PLD5: variants seen among roughly 807,000 people sequenced by gnomAD.
The protein encoded by PLD5 is inactive phospholipase D5.
In PLD5, 36 loss-of-function variants were observed where a neutral mutation model predicts 61.1. The ratio of observed to expected loss-of-function variants is 0.59; its 90% CI spans 0.45 to 0.78. The LOEUF is 0.78. PLD5 is among the 30% of genes least tolerant of loss of function. PLD5 has a pLI of 0.00. For missense variants in PLD5, 515 were observed against 644.4 expected (o/e 0.80, Z 2.17); for synonymous variants, 243 against 242.8 (o/e 1.00, Z -0.01).
At chr1:242,435,134 TAC>T (rs1183966215) in intron 1 of PLD5, among the ~76,000 whole-genome samples, 1 of 152,126 alleles carries the variant, frequency 6.6e-6, no homozygotes, top group Admixed American at 6.5e-5. Flanking sequence ...GAACACACAG[TAC>T]AGTTAGTCAA....
In PLD5 at chr1:242,083,813, A is replaced by T. The variant is rs749432233; in HGVS notation, c.*6041T>A. 1 of 151,660 alleles carries T rather than the reference A, an allele frequency of 6.6e-6. No individual in the cohort carries two copies. Among genetic ancestry groups the T allele is most frequent in the Non-Finnish European group, 1.5e-5 (1 of 67,718 alleles). 9.4% of individuals were successfully genotyped at this position (151,660 alleles called of 1,614,324 possible). A position where few individuals can be genotyped will look rare whatever the true frequency, so the allele number is the denominator to read the frequency against. The stretch of plus-strand genomic sequence containing the variant: ...TCCTCTATTTATATTGGAAAGTAAC[A>T]TATAATTTCAACGTTTTTAATCCTG... On this transcript the variant is annotated 3_prime_UTR_variant, in exon 10 of 10. Transcript: ENST00000536534.
chr1:242,167,041 T>G (rs1353616915), intron 5 of PLD5, among the ~76,000 whole-genome samples: 1 of 147,508 alleles, frequency 6.8e-6, no homozygotes, highest in East Asian at 2.0e-4. Flanking sequence ...TCACTTGCTT[T>G]CTGGTAGCCT....
chr1:242,411,289 G>A (rs1245777899), intron 1 of PLD5, among the ~76,000 whole-genome samples: 2 of 152,214 alleles, frequency 1.3e-5, no homozygotes, highest in Non-Finnish European at 2.9e-5. Flanking sequence ...AGGCTGGAGT[G>A]CAGTGGCACG....
chr1:242,479,012 G>T (rs909303814), intron 1 of PLD5, among the ~76,000 whole-genome samples: 6 of 152,192 alleles, frequency 3.9e-5, no homozygotes, highest in African/African-American at 1.4e-4. Context: ...TAATGGAAAT[G>T]AAGTATACAA....
chr1:242,373,046 G>A (rs564696594), intron 1 of PLD5, among the ~76,000 whole-genome samples: 5 of 152,032 alleles, frequency 3.3e-5, no homozygotes, highest in Admixed American at 1.3e-4. Flanking sequence ...TCTACTCATC[G>A]GACAAAGGGC....
chr1:242,494,201 G>T (rs190871810), intron 1 of PLD5, among the ~76,000 whole-genome samples: 2 of 150,514 alleles, frequency 1.3e-5, no homozygotes, highest in South Asian at 4.2e-4. Context: ...ATTCTAACTC[G>T]GGCCAAATGG....
At chr1:242,400,143 G>A (rs1376098592) in intron 1 of PLD5, among the ~76,000 whole-genome samples, 1 of 151,638 alleles carries the variant, frequency 6.6e-6, no homozygotes, top group Admixed American at 6.6e-5. Context: ...ACTCCAGCCT[G>A]AGCGACAAGA....
At chr1:242,143,889 T>G (rs964535176) in intron 5 of PLD5, among the ~76,000 whole-genome samples, 10 of 151,894 alleles carry the variant, frequency 6.6e-5, no homozygotes, top group Non-Finnish European at 8.8e-5. Flanking sequence ...TTGCCCAGGC[T>G]GGAATGCAGT....
chr1:242,502,509 A>C (rs763782811), intron 1 of PLD5, among the ~76,000 whole-genome samples: 6 of 152,254 alleles, frequency 3.9e-5, no homozygotes, highest in Non-Finnish European at 8.8e-5. Context: ...ACATAATTAC[A>C]GTATAACAAA....
chr1:242,101,309 C>CAAA (rs11457377), intron 8 of PLD5, among the ~76,000 whole-genome samples: 10 of 147,646 alleles, frequency 6.8e-5, no homozygotes, highest in African/African-American at 2.5e-4. Context: ...ATAGACAACT[C>CAAA]AAAAAAAAAA....
Position 242,394,769 on chromosome 1 carries a change from AATATATATGTGTATATATGTGAAT to A in PLD5, c.190-46551_190-46528del, listed in dbSNP as rs1558527081. Among the ~76,000 whole-genome samples, 10 of 22,398 alleles carry A rather than the reference AATATATATGTGTATATATGTGAAT, an allele frequency of 4.5e-4. 3 individuals are homozygous for A. The East Asian group carries it at 6.6e-3, about 15-fold the overall frequency. 14.7% of individuals were successfully genotyped at this position (22,398 alleles called of 152,430 possible). Reference sequence around the variant, plus strand: ...GTGAACATATATGTGTATATATGTGAATATATATGTGTATATATGTGAATATATATGTGTATATATGTGAATATA... The same window carrying A: ...GTGAACATATATGTGTATATATGTGAATATATGTGTATATATGTGAATATA... On this transcript the variant is annotated intron_variant, in intron 1 of 9. Coordinates refer to ENST00000536534, the MANE Select transcript of PLD5 (RefSeq NM_001372062.1).
chr1:242,297,674 C>T (rs1393734193), intron 2 of PLD5, among the ~76,000 whole-genome samples: 3 of 145,582 alleles, frequency 2.1e-5, no homozygotes, highest in African/African-American at 7.8e-5. Flanking sequence ...GCTCTGTCGC[C>T]CAGGCCGGAC....
intron 1 of PLD5, among the ~76,000 whole-genome samples, chr1:242,475,010 T>A (rs1054804440): frequency 6.6e-6 from 1 of 152,238 alleles, no homozygotes; most frequent in Non-Finnish European, 1.5e-5. Context: ...CATGCATCTC[T>A]CATGTCCAGC....
chr1:242,216,976 T>G (rs1670250902), intron 5 of PLD5, among the ~76,000 whole-genome samples: 1 of 152,228 alleles, frequency 6.6e-6, no homozygotes, highest in East Asian at 1.9e-4. Context: ...GCTCTATAAA[T>G]GGAACAAAGC....
intron 5 of PLD5, among the ~76,000 whole-genome samples, chr1:242,131,835 CTT>C (rs10694688): frequency 3.3e-5 from 4 of 122,810 alleles, no homozygotes; most frequent in Non-Finnish European, 4.9e-5. Flanking sequence ...TCTTTCTTTC[CTT>C]TTTTTTTTTT....
intron 4 of PLD5, among the ~76,000 whole-genome samples, chr1:242,226,757 A>G (rs1413309567): frequency 6.6e-6 from 1 of 152,198 alleles, no homozygotes; most frequent in Non-Finnish European, 1.5e-5. Context: ...GCTTTAACAG[A>G]GACGCTTCAT....
intron 2 of PLD5, among the ~76,000 whole-genome samples, chr1:242,325,175 C>T (rs1274333133): frequency 6.6e-6 from 1 of 151,990 alleles, no homozygotes; most frequent in East Asian, 1.9e-4. Context: ...ACATCCTACA[C>T]CTCCAGAAAG....
At chr1:242,218,570 G>A (rs76491046) in intron 5 of PLD5, among the ~76,000 whole-genome samples, 5,257 of 152,256 alleles carry the variant, frequency 0.035, 144 homozygotes, top group Non-Finnish European at 0.056. Context: ...ATTTGCAATT[G>A]GAAAGATTCC....
At chr1:242,095,897 CAAAAT>C (rs933852946) in intron 9 of PLD5, among the ~76,000 whole-genome samples, 3 of 152,080 alleles carry the variant, frequency 2.0e-5, no homozygotes, top group African/African-American at 7.2e-5. Context: ...TGAGAAAAAT[CAAAAT>C]AATCACGTTT....
Sources: gnomAD v4.1 joint callset for allele counts (sites outside exome capture counted in the v4.1 genomes callset) on GRCh38, gnomAD v4.1.1 for gene constraint, MANE v1.5 for transcripts, NCBI Gene and HGNC (gene_info 2026-07-23, HGNC 2026-07-21) for gene names.